The following KCNV2 variants were observed in gnomAD, a reference collection of about 807,000 sequenced individuals.
The protein encoded by KCNV2 is potassium voltage-gated channel modifier subfamily V member 2.
A neutral mutation model predicts 37.0 loss-of-function variants in KCNV2; 65 were observed. The ratio of observed to expected loss-of-function variants is 1.76; its 90% confidence interval spans 1.44 to 2.16. The LOEUF (loss-of-function observed/expected upper bound fraction) is 2.16, where lower values mean the gene tolerates loss of function less well. KCNV2 is among the 30% of genes most tolerant of loss of function. The pLI, the probability that KCNV2 is intolerant of heterozygous loss-of-function variation, is 0.00. For synonymous variants in KCNV2, 518 were observed against 328.6 expected, an observed-to-expected ratio of 1.58 and a Z score of -6.23; for missense variants, 1,232 against 766.7, an observed-to-expected ratio of 1.61 and a Z score of -7.17.
chr9:2,728,458 G>A (rs1820003720), intron 1 of KCNV2, among the ~76,000 whole-genome samples: 1 of 152,136 alleles, frequency 6.6e-6, no homozygotes, highest in African/African-American at 2.4e-5. Context: ...TTTTCACAGG[G>A]TTTTCTCTGG....
chr9:2,729,961 A>C lies in KCNV2; in HGVS notation c.*234A>C. 1.9e-6 allele frequency: 1 copy of C among 515,234 alleles called. No individual in the cohort carries two copies. 31.9% of individuals were successfully genotyped at this position (515,234 alleles called of 1,614,324 possible). ...CTTCTCAATGACGTTGATATTGAAA[A>C]CCTGAGGGGAGCAACAGCTTAGATT... is the stretch of plus-strand genomic sequence containing the variant. On this transcript the variant is annotated 3_prime_UTR_variant, in exon 2 of 2. Coordinates refer to ENST00000382082, the MANE Select transcript of KCNV2 (RefSeq NM_133497.4).
Position 2,718,362 on chromosome 9 carries a change from A to T in KCNV2, c.623A>T (p.Asp208Val). 6.3e-7 allele frequency: 1 copy of T among 1,599,540 alleles called. No homozygotes were observed. The highest frequency in any genetic ancestry group is 8.5e-7 in the Non-Finnish European group (1 of 1,174,822). The change falls in exon 1 of 2, where the codon GAC becomes GTC. Residue 208 changes from aspartate to valine, a missense_variant. Physicochemically the swap from Asp to Val is radical, Grantham distance 152. Coordinates refer to ENST00000382082, the MANE Select transcript of KCNV2 (RefSeq NM_133497.4). The part of the protein sequence containing the change: ...CCRICFEERR[D>V]ELSERLKIQH... ...CGCATCTGCTTCGAGGAGCGGCGCG[A>T]CGAGCTGAGCGAACGGCTCAAGATC...
At chr9:2,722,568 GTTATTTATTTATAAATTAGAAGTTAT>G (rs1819898467) in intron 1 of KCNV2, among the ~76,000 whole-genome samples, 1 of 143,050 alleles carries the variant, frequency 7.0e-6, no homozygotes, top group Non-Finnish European at 1.5e-5. Flanking sequence ...TAAATTAGAA[GTTATTTATTTATAAATTAGAAGTTAT>G]TTATTTATAA....
At chr9:2,725,188 A>G (rs1339230217) in intron 1 of KCNV2, among the ~76,000 whole-genome samples, 7 of 152,174 alleles carry the variant, frequency 4.6e-5, no homozygotes, top group Non-Finnish European at 1.0e-4. Context: ...TCTCAAACTT[A>G]CATTTGTGGC....
chr9:2,726,785 A>C (rs185087487), intron 1 of KCNV2, among the ~76,000 whole-genome samples: 1 of 152,126 alleles, frequency 6.6e-6, no homozygotes, highest in South Asian at 2.1e-4. Flanking sequence ...AGGGCCATCA[A>C]TCATTACCGC....
At chr9:2,725,292 G>A (rs1819950148) in intron 1 of KCNV2, among the ~76,000 whole-genome samples, 1 of 152,132 alleles carries the variant, frequency 6.6e-6, no homozygotes, top group Non-Finnish European at 1.5e-5. Flanking sequence ...TATCCTGAAG[G>A]TAGTCACCCA....
intron 1 of KCNV2, among the ~76,000 whole-genome samples, chr9:2,723,856 G>A (rs1819923867): frequency 1.3e-5 from 2 of 152,178 alleles, no homozygotes; most frequent in Admixed American, 1.3e-4. Flanking sequence ...GGGCTCTCTG[G>A]ATTGCCTGGG....
rs966268842 is a variant in KCNV2, at chr9:2,720,157, A to G, written c.1356+1062A>G. On this transcript the variant is annotated intron_variant, in intron 1 of 1. Transcript: ENST00000382082. Reference sequence around the variant, plus strand: ...AAAGTAGATATTTTCAACATTGTGTATGTCATAACCCATAGTCTGGTGTGC... The same window carrying G: ...AAAGTAGATATTTTCAACATTGTGTGTGTCATAACCCATAGTCTGGTGTGC... 7.9e-5 allele frequency among the ~76,000 whole-genome samples: 12 copies of G among 152,258 alleles called. No individual in the cohort carries two copies. The East Asian group carries it at 2.1e-3, about 27-fold the overall frequency.
At chr9:2,727,093 C>T (rs1819980480) in intron 1 of KCNV2, among the ~76,000 whole-genome samples, 1 of 152,138 alleles carries the variant, frequency 6.6e-6, no homozygotes, top group Non-Finnish European at 1.5e-5. Flanking sequence ...CTTTAGGCCT[C>T]CTCCAGGGAA....
chr9:2,727,614 A>T (rs1819990004), intron 1 of KCNV2, among the ~76,000 whole-genome samples: 1 of 152,180 alleles, frequency 6.6e-6, no homozygotes, highest in Non-Finnish European at 1.5e-5. Context: ...AGCATAACGT[A>T]TATAGAGTTG....
intron 1 of KCNV2, among the ~76,000 whole-genome samples, chr9:2,728,700 T>C (rs1820007466): frequency 6.6e-6 from 1 of 152,116 alleles, no homozygotes; most frequent in Non-Finnish European, 1.5e-5. Context: ...AGTCTCTCAT[T>C]TGAACTACGT....
chr9:2,726,795 C>G (rs1221043643), intron 1 of KCNV2, among the ~76,000 whole-genome samples: 4 of 152,162 alleles, frequency 2.6e-5, no homozygotes, highest in Non-Finnish European at 2.9e-5. Context: ...ATCATTACCG[C>G]CTAAGTTCTG....
rs367972852 is a variant in KCNV2, at chr9:2,718,930, G to T, written c.1191G>T (p.Leu397=). Residue 397 remains leucine (L), a synonymous_variant, in exon 1 of 2, where the codon CTG becomes CTT. Coordinates refer to ENST00000382082, the MANE Select transcript of KCNV2 (RefSeq NM_133497.4). ...AGCTGGCGCGCCACTCCACCGGACT[G>T]CGTGCCTTCGGCTTCACGCTGCGCC... ...ILKLARHSTG[L]RAFGFTLRQC... 3.4e-5 allele frequency: 54 copies of T among 1,609,354 alleles called. No homozygotes were observed. In the African/African-American group the frequency reaches 6.1e-4, roughly 18 times the overall value.
At chr9:2,729,024 A>C (rs1199922346) in intron 1 of KCNV2, among the ~76,000 whole-genome samples, 1 of 152,170 alleles carries the variant, frequency 6.6e-6, no homozygotes, top group Admixed American at 6.5e-5. Context: ...CAATACATAC[A>C]GTGTACAGGC....
intron 1 of KCNV2, among the ~76,000 whole-genome samples, chr9:2,728,089 C>T (rs1819996252): frequency 6.6e-6 from 1 of 152,200 alleles, no homozygotes; most frequent in African/African-American, 2.4e-5. Flanking sequence ...TGGTTCTCAT[C>T]AGTGCCCTCA....
At chr9:2,720,256 C>G (rs1411865065) in intron 1 of KCNV2, among the ~76,000 whole-genome samples, 1 of 152,206 alleles carries the variant, frequency 6.6e-6, no homozygotes, top group Admixed American at 6.5e-5. Flanking sequence ...AAACCTGATT[C>G]TAGTCCCAGA....
In KCNV2 at chr9:2,729,458, A is replaced by G; in HGVS notation, c.1369A>G (p.Thr457Ala). The part of the protein sequence containing the change: ...SWWWAAVSIS[T>A]VGYGDMYPET... ...CCTTCCTCTACAGGTGAGCATCTCC[A>G]CCGTGGGCTACGGAGACATGTACCC... Residue 457 changes from threonine (T) to alanine (A), a missense_variant, in exon 2 of 2, where the codon ACC becomes GCC. Transcript: ENST00000382082. 6.2e-7 allele frequency: 1 copy of G among 1,613,586 alleles called. No homozygotes were observed. The highest frequency in any genetic ancestry group is 1.3e-5 in the African/African-American group (1 of 74,968).
At chr9:2,720,320 T>C (rs1354436621) in intron 1 of KCNV2, 1 of 152,198 alleles carries the variant, frequency 6.6e-6, no homozygotes, top group African/African-American at 2.4e-5. Flanking sequence ...CCTTAATCCC[T>C]CACTTCCAGT....
chr9:2,723,489 T>C (rs980642230), intron 1 of KCNV2, among the ~76,000 whole-genome samples: 1 of 152,222 alleles, frequency 6.6e-6, no homozygotes, highest in African/African-American at 2.4e-5. Context: ...TGGACACTTA[T>C]GTCTACAAAT....
Sources: allele counts gnomAD v4.1 joint callset (sites outside exome capture counted in the v4.1 genomes callset), GRCh38; gene constraint gnomAD v4.1.1; transcripts MANE v1.5; gene names NCBI Gene and HGNC (gene_info 2026-07-23, HGNC 2026-07-21).